The following FBN3 variants were observed in gnomAD, a reference collection of about 807,000 sequenced individuals.
FBN3 encodes the protein fibrillin-3.
A neutral mutation model predicts 330.1 loss-of-function variants in FBN3; 234 were observed. The observed-to-expected ratio is 0.71, with a 90% CI of 0.64 to 0.79. The LOEUF is 0.79. FBN3 is among the 30% of genes least tolerant of loss of function. The pLI is 0.00. For missense variants in FBN3, 3,606 were observed against 3,886.9 expected, an observed-to-expected ratio of 0.93 and a Z score of 1.92; for synonymous variants, 1,458 against 1,517.3, an observed-to-expected ratio of 0.96 and a Z score of 0.91.
At chr19:8,139,396 C>T (rs560991085) in intron 8 of FBN3, among the ~76,000 whole-genome samples, 3 of 152,212 alleles carry the variant, frequency 2.0e-5, no homozygotes, top group Non-Finnish European at 2.9e-5. Context: ...GGCCAATGCT[C>T]GCTCAGTGCC....
At chr19:8,134,500 C>T (rs574525697) in intron 13 of FBN3, among the ~76,000 whole-genome samples, 25 of 152,198 alleles carry the variant, frequency 1.6e-4, no homozygotes, top group Admixed American at 9.2e-4. Flanking sequence ...ATTGCTTGAG[C>T]CCCCCAGGGC....
chr19:8,109,754 C>G lies in FBN3; in HGVS notation c.4334-1G>C, dbSNP rs755962947. The G allele has an allele frequency of 5.0e-5, 75 of 1,498,820 alleles. No homozygotes were observed. Among genetic ancestry groups the G allele is most frequent in the Non-Finnish European group, 6.0e-5 (67 of 1,123,454 alleles). The allele number at this position is 1,498,820 out of a possible 1,614,324, so 92.8% of individuals were successfully genotyped here. On this transcript the variant is annotated splice_acceptor_variant, in intron 34 of 63. Transcript: ENST00000600128. LOFTEE classifies it high-confidence loss of function. This position sits in a 1 kb window ranked among gnomAD's most constrained non-coding sequence, Gnocchi z 5.2. ...ACTGGGTCTGCACACTCGTTGATGT[C>G]TGTAGGGAGGAAGCGCGGTCCTCAG...
chr19:8,112,053 G>A lies in FBN3; in HGVS notation c.3885C>T (p.Ala1295=), dbSNP rs139521225. The change falls in exon 31 of 64, where the codon GCC becomes GCT. Residue 1295 remains alanine, a synonymous_variant. Coordinates refer to ENST00000600128, the MANE Select transcript of FBN3 (RefSeq NM_032447.5). ...AACTCCCCGGGATGTTGAGACAGGA[G>A]GCGTGACTGTCACAGTTGTGTCCTC... ...EVGGHNCDSH[A]SCLNIPGSFS... 3.0e-4 allele frequency: 491 copies of A among 1,613,304 alleles called. 3 individuals carry two copies. The African/African-American group carries it at 5.8e-3, about 19-fold the overall frequency.
chr19:8,107,459 G>A (rs2082468212), intron 37 of FBN3, among the ~76,000 whole-genome samples: 1 of 150,210 alleles, frequency 6.7e-6, no homozygotes, highest in Admixed American at 6.7e-5. Context: ...ATGAATGGAT[G>A]GATGGTCGAG....
chr19:8,110,791 C>T lies in FBN3; in HGVS notation c.4333+54G>A, dbSNP rs2082561409. 6 of 1,609,356 alleles carry T rather than the reference C, an allele frequency of 3.7e-6. No individual in the cohort carries two copies. The Admixed American group carries it at 1.0e-4, about 27-fold the overall frequency. On this transcript the variant is annotated intron_variant, in intron 34 of 63. Coordinates refer to ENST00000600128, the MANE Select transcript of FBN3 (RefSeq NM_032447.5). Reference sequence around the variant, plus strand: ...GGCAGTGAGGGAGTGAGCCATGTCCCCTGCCCCAACTCCTGCTCTCTCCTC... The same window carrying T: ...GGCAGTGAGGGAGTGAGCCATGTCCTCTGCCCCAACTCCTGCTCTCTCCTC...
At position 8,131,500 on chromosome 19, in the gene FBN3, G is replaced by A. The variant is rs969843789; in HGVS notation, c.1990+54C>T. ...TGACCCCCCACCAGAAGCGAGAACC[G>A]ATGGAGGCATTCAGACCAAGGAGGC... On this transcript the variant is annotated intron_variant, in intron 15 of 63. Coordinates refer to ENST00000600128, the MANE Select transcript of FBN3 (RefSeq NM_032447.5). This position sits in a 1 kb window ranked among gnomAD's most constrained non-coding sequence, Gnocchi z 4.5. 3.0e-5 allele frequency: 46 copies of A among 1,557,254 alleles called. No individual in the cohort carries two copies. Among genetic ancestry groups the A allele is most frequent in the Non-Finnish European group, 3.7e-5 (42 of 1,147,216 alleles).
At position 8,065,946 on chromosome 19, in the gene FBN3, C is replaced by A. The variant is rs748260723; in HGVS notation, c.8403G>T (p.Arg2801Ser). ...GQPGPWGQAL[R>S]LKVQLQLL The stretch of plus-strand genomic sequence containing the variant: ...AAAGCAACTGCAGCTGCACCTTCAG[C>A]CTCAAGGCCTGGCCCCATGGCCCTG... The change falls in exon 64 of 64, where the codon AGG (arginine) becomes AGT (serine). Residue 2801 changes from arginine (R) to serine (S), a missense_variant. Arg to Ser is a moderately radical substitution (Grantham distance 110). Coordinates refer to ENST00000600128, the MANE Select transcript of FBN3 (RefSeq NM_032447.5). 1.9e-6 allele frequency: 3 copies of A among 1,598,382 alleles called. No homozygotes were observed. Among genetic ancestry groups the A allele is most frequent in the Admixed American group, 3.5e-5 (2 of 57,962 alleles).
chr19:8,125,734 T>G (rs538922595), intron 22 of FBN3, among the ~76,000 whole-genome samples, 158 bp downstream of exon 22: 1 of 148,886 alleles, frequency 6.7e-6, no homozygotes, highest in Non-Finnish European at 1.5e-5. Context: ...GAAGTTACAG[T>G]GAGCCGAGAT....
At chr19:8,076,627 A>G (rs2081648648) in intron 59 of FBN3, among the ~76,000 whole-genome samples, 1 of 152,204 alleles carries the variant, frequency 6.6e-6, no homozygotes, top group Admixed American at 6.5e-5. Flanking sequence ...TGACTGACAG[A>G]GTGAGATTCC....
intron 13 of FBN3, 26 bp downstream of exon 13, chr19:8,135,935 T>TTGGGGGGGGGGGGGGGGCGGC: frequency 7.4e-7 from 1 of 1,344,156 alleles, no homozygotes; most frequent in Non-Finnish European, 1.0e-6. Context: ...CGGAAGCCCC[T>TTGGGGGGGGGGGGGGGGCGGC]GCCCACCCGC....
rs867419894 is a variant in FBN3, at chr19:8,073,577, C to T, written c.7703-280G>A. 1.2e-3 allele frequency among the ~76,000 whole-genome samples: 180 copies of T among 152,342 alleles called. 3 individuals carry two copies. Among genetic ancestry groups the T allele is most frequent in the Middle Eastern group, 6.8e-3 (2 of 294 alleles). Reference sequence around the variant, plus strand: ...TTTCTCACCCTCAGTGCTATTGACACTTGGGGCCAGATCATTCTCTAGGGA... The same window carrying T: ...TTTCTCACCCTCAGTGCTATTGACATTTGGGGCCAGATCATTCTCTAGGGA... On this transcript the variant is annotated intron_variant, in intron 61 of 63. Transcript: ENST00000600128.
intron 59 of FBN3, among the ~76,000 whole-genome samples, chr19:8,077,125 A>G (rs1388999918): frequency 1.3e-5 from 2 of 152,204 alleles, no homozygotes; most frequent in African/African-American, 4.8e-5. Flanking sequence ...TTGTTATGGC[A>G]GCCTGAGCTG....
rs2081916604 is a variant in FBN3, at chr19:8,085,387, A to C, written c.7063T>G (p.Ser2355Ala). Residue 2355 changes from serine (S) to alanine (A), a missense_variant, in exon 56 of 64, where the codon TCA (serine) becomes GCA (alanine). Ser to Ala is a moderately conservative substitution (Grantham distance 99). Coordinates refer to ENST00000600128, the MANE Select transcript of FBN3 (RefSeq NM_032447.5). ...CCTCGGCCCTCAGCAGTGTAGCCTGAGCCATGGGGGCACAGCTTCCTGTAG... is the reference window on the plus strand; with the variant it reads ...CCTCGGCCCTCAGCAGTGTAGCCTGCGCCATGGGGGCACAGCTTCCTGTAG... ...SAYRKLCPHG[S>A]GYTAEGRDVD... is the part of the protein sequence containing the mutation. The C allele has an allele frequency of 6.3e-7, 1 of 1,581,010 alleles. No homozygotes were observed. Among genetic ancestry groups the C allele is most frequent in the Non-Finnish European group, 8.6e-7 (1 of 1,166,786 alleles).
At chr19:8,136,651 A>C in intron 10 of FBN3, 120 bp from the exon 11 acceptor site, 1 of 1,317,754 alleles carries the variant, frequency 7.6e-7, no homozygotes, top group Non-Finnish European at 1.1e-6. Context: ...GCCCTGGCTC[A>C]GATCCTGCCC....
intron 55 of FBN3, 136 bp from the exon 56 acceptor site, chr19:8,085,705 G>C: frequency 1.6e-6 from 1 of 639,530 alleles, no homozygotes; most frequent in Non-Finnish European, 2.6e-6. Context: ...GGATACACAG[G>C]ACAGATGGCC....
In FBN3 at chr19:8,129,295, G is replaced by A. The variant is rs368569818; in HGVS notation, c.2115C>T (p.Tyr705=). The A allele has an allele frequency of 5.8e-5, 93 of 1,614,076 alleles. No homozygotes were observed. Among genetic ancestry groups the A allele is most frequent in the Non-Finnish European group, 7.6e-5 (90 of 1,180,050 alleles). The stretch of plus-strand genomic sequence containing the variant: ...CATAACCCAGGTTGCAGACACAGCG[G>A]TAGCTGCCCCGAAGGTTCTCGCACA... ...NGVCENLRGS[Y]RCVCNLGYEA... The change falls in exon 17 of 64, where the codon TAC becomes TAT. Residue 705 remains tyrosine, a synonymous_variant. Transcript: ENST00000600128. This position sits in a 1 kb window ranked among gnomAD's most constrained non-coding sequence, Gnocchi z 4.5.
intron 25 of FBN3, 41 bp from the exon 26 acceptor site, chr19:8,119,063 C>T: frequency 1.9e-6 from 3 of 1,568,144 alleles, no homozygotes; most frequent in Non-Finnish European, 2.6e-6. Flanking sequence ...CATGAAGGTG[C>T]TGATGCAGGG....
At chr19:8,085,340 G>T (rs909523065) in intron 56 of FBN3, 23 bp downstream of exon 56, 3 of 1,550,718 alleles carry the variant, frequency 1.9e-6, no homozygotes, top group East Asian at 4.8e-5. Flanking sequence ...CTCCCTGGGG[G>T]TCCTGAGGGC....
rs755861894 is a variant in FBN3 at position 8,116,731 on chromosome 19, G to A, written c.3655C>T (p.His1219Tyr). ...AAGCCATCATAGCACAGGCAGCGGT[G>A]ACCCCCTGGCATGTTGGTGCAGTGG... ...QGHCTNMPGG[H>Y]RCLCYDGFMA... The change falls in exon 29 of 64, where the codon CAC becomes TAC. Residue 1219 changes from histidine (H) to tyrosine (Y), a missense_variant. By Grantham distance (83) the His-to-Tyr change is moderately conservative. Coordinates refer to ENST00000600128, the MANE Select transcript of FBN3 (RefSeq NM_032447.5). 2.5e-5 allele frequency: 40 copies of A among 1,614,102 alleles called. No homozygotes were observed. The highest frequency in any genetic ancestry group is 3.1e-5 in the Non-Finnish European group (37 of 1,179,976).
Sources: allele counts gnomAD v4.1 joint callset (sites outside exome capture counted in the v4.1 genomes callset), GRCh38; gene constraint gnomAD v4.1.1; non-coding constraint Gnocchi (gnomAD v3.1); transcripts MANE v1.5; gene names NCBI Gene and HGNC (gene_info 2026-07-23, HGNC 2026-07-21).